The following PCDH9 variants were observed in gnomAD, a reference collection of about 807,000 sequenced individuals.
PCDH9 encodes the protein protocadherin 9.
Under a neutral mutation model 70.6 loss-of-function variants are expected in PCDH9, and 24 were observed. That is an observed-to-expected ratio of 0.34 (90% CI 0.25 to 0.48). PCDH9 has a LOEUF of 0.48. Among genes scored for constraint, PCDH9 ranks in the 20% least tolerant of loss-of-function variants. The pLI is 0.99. For synonymous variants in PCDH9, 562 were observed against 558.5 expected (o/e 1.01, Z -0.09); for missense variants, 1,281 against 1,503.6 (o/e 0.85, Z 2.45).
intron 4 of PCDH9, among the ~76,000 whole-genome samples, chr13:66,373,647 G>T (rs1485588244): frequency 1.3e-5 from 2 of 151,974 alleles, no homozygotes; most frequent in Admixed American, 1.3e-4. Flanking sequence ...AAACAGAAAT[G>T]ACCTTTAAAA....
intron 2 of PCDH9, among the ~76,000 whole-genome samples, chr13:67,061,400 T>A (rs1299525752): frequency 2.0e-5 from 3 of 151,778 alleles, no homozygotes; most frequent in African/African-American, 7.3e-5. Context: ...TCTCTCTCCC[T>A]CTCTCTCTCT....
At chr13:67,201,919 T>C (rs1242397955) in intron 2 of PCDH9, 1 of 152,088 alleles carries the variant, frequency 6.6e-6, no homozygotes, top group Non-Finnish European at 1.5e-5. Flanking sequence ...TTATTATTAT[T>C]CATACATTAT....
intron 2 of PCDH9, among the ~76,000 whole-genome samples, chr13:67,182,243 A>G (rs1168441607): frequency 6.6e-6 from 1 of 152,162 alleles, no homozygotes; most frequent in Non-Finnish European, 1.5e-5. Context: ...CAGGACTCTC[A>G]GTTTTTCACC....
At chr13:66,562,024 A>T (rs1192524267) in intron 4 of PCDH9, among the ~76,000 whole-genome samples, 1 of 152,076 alleles carries the variant, frequency 6.6e-6, no homozygotes, top group Non-Finnish European at 1.5e-5. Context: ...CAAACCCACC[A>T]GAAGGAAGAA....
At chr13:66,988,006 C>G (rs553889010) in intron 2 of PCDH9, among the ~76,000 whole-genome samples, 43 of 151,876 alleles carry the variant, frequency 2.8e-4, no homozygotes, top group African/African-American at 1.0e-3. Context: ...CTCAAGTGAT[C>G]CTCCTGCCTC....
intron 3 of PCDH9, among the ~76,000 whole-genome samples, chr13:66,744,874 T>A (rs1442493215): frequency 6.6e-6 from 1 of 152,164 alleles, no homozygotes; most frequent in Non-Finnish European, 1.5e-5. Flanking sequence ...CCTCCAGGAA[T>A]AAAACAAGAT....
intron 3 of PCDH9, among the ~76,000 whole-genome samples, chr13:66,867,848 G>A (rs2081604054): frequency 6.6e-6 from 1 of 151,644 alleles, no homozygotes; most frequent in South Asian, 2.1e-4. Flanking sequence ...TTCTGTCATT[G>A]TTTTTCATTT....
intron 3 of PCDH9, among the ~76,000 whole-genome samples, chr13:66,685,415 A>G (rs555699634): frequency 6.6e-6 from 1 of 152,322 alleles, no homozygotes; most frequent in East Asian, 1.9e-4. Flanking sequence ...CCTATATCCC[A>G]GAGGATGTAT....
chr13:66,984,733 A>T (rs2083853715), intron 2 of PCDH9, among the ~76,000 whole-genome samples: 1 of 152,190 alleles, frequency 6.6e-6, no homozygotes, highest in South Asian at 2.1e-4. Flanking sequence ...TACTATCAAC[A>T]TGATTCCATT....
chr13:66,316,474 A>C (rs1208525016), intron 4 of PCDH9, among the ~76,000 whole-genome samples: 1 of 152,030 alleles, frequency 6.6e-6, no homozygotes, highest in Non-Finnish European at 1.5e-5. Flanking sequence ...TTCTAATCTC[A>C]TACCTCACTT....
At chr13:66,344,349 C>T (rs1956179902) in intron 4 of PCDH9, among the ~76,000 whole-genome samples, 1 of 152,134 alleles carries the variant, frequency 6.6e-6, no homozygotes, top group South Asian at 2.1e-4. Context: ...TGGTCTGGAA[C>T]TCCTGACCTC....
At chr13:67,193,076 A>G (rs2088961509) in intron 2 of PCDH9, among the ~76,000 whole-genome samples, 1 of 152,152 alleles carries the variant, frequency 6.6e-6, no homozygotes, top group Non-Finnish European at 1.5e-5. Context: ...TACAGCAAAA[A>G]GTTAAAATTA....
chr13:66,599,718 G>A (rs1643643577), intron 4 of PCDH9, among the ~76,000 whole-genome samples: 2 of 151,660 alleles, frequency 1.3e-5, no homozygotes, highest in Admixed American at 1.3e-4. Flanking sequence ...AGCCTCCCGA[G>A]TAGTTGAGAC....
At chr13:66,897,327 T>C (rs1453970015) in intron 3 of PCDH9, among the ~76,000 whole-genome samples, 1 of 151,850 alleles carries the variant, frequency 6.6e-6, no homozygotes, top group Non-Finnish European at 1.5e-5. Context: ...AGCATAATTA[T>C]GAAAAAAGAG....
intron 2 of PCDH9, among the ~76,000 whole-genome samples, chr13:67,195,040 A>G (rs1317830300): frequency 6.6e-6 from 1 of 152,156 alleles, no homozygotes; most frequent in Admixed American, 6.5e-5. Flanking sequence ...AAATTTCCGT[A>G]AGAGGATGTT....
intron 3 of PCDH9, among the ~76,000 whole-genome samples, chr13:66,896,462 A>G (rs1241795048): frequency 6.6e-6 from 1 of 152,258 alleles, no homozygotes; most frequent in East Asian, 1.9e-4. Context: ...AATAATAATA[A>G]GAGGCTATTA....
intron 4 of PCDH9, among the ~76,000 whole-genome samples, chr13:66,375,872 G>A (rs1272694143): frequency 1.3e-5 from 2 of 152,002 alleles, no homozygotes; most frequent in African/African-American, 4.8e-5. Context: ...GGGTCAAAGT[G>A]CTTCACGAGA....
intron 4 of PCDH9, among the ~76,000 whole-genome samples, chr13:66,576,307 T>TAC (rs1358380111): frequency 3.3e-5 from 5 of 152,098 alleles, no homozygotes; most frequent in Non-Finnish European, 7.4e-5. Context: ...AGTTTCTTTA[T>TAC]ACACACACAC....
intron 2 of PCDH9, among the ~76,000 whole-genome samples, chr13:66,918,152 G>A (rs1347947978): frequency 2.0e-5 from 3 of 151,298 alleles, no homozygotes; most frequent in Non-Finnish European, 4.4e-5. Context: ...TGTACAAGTT[G>A]CGAAGATACA....
Sources: allele counts gnomAD v4.1 joint callset (sites outside exome capture counted in the v4.1 genomes callset), GRCh38; gene constraint gnomAD v4.1.1; transcripts MANE v1.5; gene names NCBI Gene and HGNC (gene_info 2026-07-23, HGNC 2026-07-21).